DHX57: variants seen among roughly 807,000 people sequenced by gnomAD.
DHX57 encodes the protein putative ATP-dependent RNA helicase DHX57.
A neutral mutation model predicts 156.2 loss-of-function variants in DHX57; 105 were observed. That is an observed-to-expected ratio of 0.67 (90% CI 0.57 to 0.79). The LOEUF is 0.79. Ranked by LOEUF, DHX57 falls within the 30% of genes least tolerant of loss-of-function variation. The pLI, the probability that DHX57 is intolerant of heterozygous loss-of-function variation, is 0.00. For synonymous variants in DHX57, 704 were observed against 595.6 expected, an observed-to-expected ratio of 1.18 and a Z score of -2.65; for missense variants, 1,847 against 1,661.9, an observed-to-expected ratio of 1.11 and a Z score of -1.94.
Position 38,848,354 on chromosome 2 carries a change from A to T in DHX57, c.2079T>A (p.Gly693=), listed in dbSNP as rs1672398775. ...VLKDIVSQRP[G]LQVILMSATL... is the part of the protein sequence containing the mutation. ...TTGCACTCATTAAAATAACTTGAAG[A>T]CCTGGCCTCTGCGATACAATGTCCT... The change falls in exon 10 of 24, where the codon GGT becomes GGA. Residue 693 remains glycine (G), a synonymous_variant. Coordinates refer to ENST00000457308, the MANE Select transcript of DHX57 (RefSeq NM_198963.3). The T allele has an allele frequency of 6.2e-7, 1 of 1,612,214 alleles. No individual in the cohort carries two copies. Among genetic ancestry groups the T allele is most frequent in the South Asian group, 1.1e-5 (1 of 90,546 alleles).
In DHX57 at chr2:38,815,589, G is replaced by C. The variant is rs781772153; in HGVS notation, c.3538C>G (p.Leu1180Val). The C allele has an allele frequency of 2.5e-5, 41 of 1,613,930 alleles. No individual in the cohort carries two copies. The highest frequency in any genetic ancestry group is 3.4e-5 in the Non-Finnish European group (40 of 1,180,034). The change falls in exon 20 of 24, where the codon CTC becomes GTC. Residue 1180 changes from leucine (L) to valine (V), a missense_variant. Transcript: ENST00000457308. ...CTTTTCTCAATTTCCCTTGCTCTGA[G>C]CCCTTCCCTTGCAAACCCTATATCC... Reference protein sequence around the residue: ...LSDIGFAREGLRAREIEKRAQ... With the variant: ...LSDIGFAREGVRAREIEKRAQ...
At position 38,797,980 on chromosome 2, in the gene DHX57, A is replaced by T. The variant is rs940783528; in HGVS notation, c.*319T>A. The T allele has an allele frequency of 8.9e-6, 2 of 223,836 alleles. No individual in the cohort carries two copies. The highest frequency in any genetic ancestry group is 1.9e-5 in the Non-Finnish European group (2 of 104,464). 13.9% of individuals were successfully genotyped at this position (223,836 alleles called of 1,614,324 possible). ...AGGAGAAAAAGAATACACAGATTAA[A>T]ACAGAATTGTATTATACATTCACTT... On this transcript the variant is annotated 3_prime_UTR_variant, in exon 24 of 24. Transcript: ENST00000457308.
chr2:38,834,004 A>T (rs116925488), intron 13 of DHX57, among the ~76,000 whole-genome samples: 2 of 152,164 alleles, frequency 1.3e-5, no homozygotes, highest in African/African-American at 4.8e-5. Context: ...CGCCATTTGC[A>T]TCTAGAGAAA....
At chr2:38,859,334 T>C (rs1043687755) in intron 5 of DHX57, among the ~76,000 whole-genome samples, 1 of 152,048 alleles carries the variant, frequency 6.6e-6, no homozygotes, top group African/African-American at 2.4e-5. Flanking sequence ...GGCAAATCCA[T>C]AGAGATAGAC....
Position 38,855,058 on chromosome 2 carries a change from T to C in DHX57, c.1904A>G (p.Lys635Arg). ...VGYQIRLESV[K>R]SSATRLLYCT... is the part of the protein sequence containing the mutation. ...AGGAAATAAGCAGAGCATACAAACC[T>C]TGACACTTTCTAACCGAATCTGGTA... Residue 635 changes from lysine (K) to arginine (R), a missense_variant and splice_region_variant, in exon 8 of 24, where the codon AAG becomes AGG. By Grantham distance (26) the Lys-to-Arg change is conservative (BLOSUM62 2). Coordinates refer to ENST00000457308, the MANE Select transcript of DHX57 (RefSeq NM_198963.3). The C allele has an allele frequency of 1.9e-6, 3 of 1,614,120 alleles. No homozygotes were observed. The highest frequency in any genetic ancestry group is 1.1e-5 in the South Asian group (1 of 91,080).
intron 21 of DHX57, among the ~76,000 whole-genome samples, chr2:38,812,979 C>T (rs977050153): frequency 6.6e-6 from 1 of 151,924 alleles, no homozygotes; most frequent in African/African-American, 2.4e-5. Context: ...TCCTGAGTAG[C>T]TGGGATTACA....
At chr2:38,871,481 A>G (rs181161513) in intron 1 of DHX57, among the ~76,000 whole-genome samples, 2 of 152,210 alleles carry the variant, frequency 1.3e-5, no homozygotes, top group Non-Finnish European at 2.9e-5. Context: ...TAAAAGTAAT[A>G]CTTCTATGTA....
At chr2:38,851,477 TC>T (rs1331990610) in intron 9 of DHX57, among the ~76,000 whole-genome samples, 3 of 152,222 alleles carry the variant, frequency 2.0e-5, no homozygotes, top group African/African-American at 4.8e-5. Context: ...TAGCAAATAT[TC>T]CCCTACTTTT....
In DHX57 at chr2:38,837,862, C is replaced by T; in HGVS notation, c.2511G>A (p.Trp837Ter). The change falls in exon 13 of 24, where the codon TGG becomes TGA. Residue 837 changes from tryptophan to a stop codon, truncating the protein, a stop_gained. Coordinates refer to ENST00000457308, the MANE Select transcript of DHX57 (RefSeq NM_198963.3). LOFTEE classifies it high-confidence loss of function. Reference protein sequence around the residue: ...NLELIEALLEWIVDGKHSYPP... With the variant: ...NLELIEALLE ...GGTAGGAGTGCTTTCCATCCACAAT[C>T]CACTCTAATAAGGCCTCTATTAATT... 6.2e-7 allele frequency: 1 copy of T among 1,611,696 alleles called. No homozygotes were observed. Among genetic ancestry groups the T allele is most frequent in the Non-Finnish European group, 8.5e-7 (1 of 1,177,990 alleles).
intron 12 of DHX57, among the ~76,000 whole-genome samples, chr2:38,840,287 A>T (rs1216887611): frequency 2.0e-5 from 3 of 152,184 alleles, no homozygotes; most frequent in Admixed American, 6.5e-5. Flanking sequence ...TAATTTTTTC[A>T]AAGAAAAACT....
At chr2:38,822,333 G>A (rs1318291691) in intron 17 of DHX57, among the ~76,000 whole-genome samples, 2 of 151,826 alleles carry the variant, frequency 1.3e-5, no homozygotes, top group African/African-American at 2.4e-5. Flanking sequence ...CACCTGCCTC[G>A]GCCTCCCAAA....
At position 38,833,715 on chromosome 2, in the gene DHX57, C is replaced by T. The variant is rs1398608737; in HGVS notation, c.2542+4116G>A. Among the ~76,000 whole-genome samples the T allele has an allele frequency of 1.1e-4, 17 of 152,006 alleles. 1 individual carries two copies. The highest frequency in any genetic ancestry group is 1.1e-3 in the Admixed American group (17 of 15,248). On this transcript the variant is annotated intron_variant, in intron 13 of 23. Transcript: ENST00000457308. ...AAGTGTTCAGTTGATCCTTGAACAACATAGGTTTGCACTGCATGGGTCTAC... is the reference window on the plus strand; with the variant it reads ...AAGTGTTCAGTTGATCCTTGAACAATATAGGTTTGCACTGCATGGGTCTAC...
At position 38,861,821 on chromosome 2, in the gene DHX57, C is replaced by T; in HGVS notation, c.589G>A (p.Glu197Lys). 1 of 1,608,046 alleles carries T rather than the reference C, an allele frequency of 6.2e-7. No homozygotes were observed. Among genetic ancestry groups the T allele is most frequent in the South Asian group, 1.1e-5 (1 of 90,146 alleles). Reference sequence around the variant, plus strand: ...ATCCTCAGGACCGCTTGACAGCGTTCAGTATTGAAACCATACCTGTCAAGG... The same window carrying T: ...ATCCTCAGGACCGCTTGACAGCGTTTAGTATTGAAACCATACCTGTCAAGG... ...QKLSRYGFNT[E>K]RCQAVLRMCD... Residue 197 changes from glutamate (E) to lysine (K), a missense_variant, in exon 5 of 24, where the codon GAA becomes AAA. Transcript: ENST00000457308.
At chr2:38,800,843 G>T (rs779341431) in intron 23 of DHX57, among the ~76,000 whole-genome samples, 36 of 152,182 alleles carry the variant, frequency 2.4e-4, no homozygotes, top group Non-Finnish European at 4.0e-4. Flanking sequence ...CTAGTCACAA[G>T]TGGCTTATCT....
At chr2:38,842,170 C>T (rs1304288185) in intron 12 of DHX57, among the ~76,000 whole-genome samples, 1 of 152,024 alleles carries the variant, frequency 6.6e-6, no homozygotes, top group African/African-American at 2.4e-5. Flanking sequence ...GATGCTCCAG[C>T]CAAAAATGTA....
intron 9 of DHX57, among the ~76,000 whole-genome samples, chr2:38,849,225 A>G (rs1276746996): frequency 6.6e-6 from 1 of 152,246 alleles, no homozygotes; most frequent in Admixed American, 6.5e-5. Context: ...CATGAAGCAG[A>G]TACAAGGAAT....
intron 23 of DHX57, among the ~76,000 whole-genome samples, chr2:38,800,172 C>T (rs555215714): frequency 5.4e-4 from 68 of 126,002 alleles, no homozygotes; most frequent in African/African-American, 8.0e-4. Flanking sequence ...GCAACAAGAG[C>T]GAAACTCCAT....
intron 17 of DHX57, among the ~76,000 whole-genome samples, chr2:38,822,436 G>A (rs753242391): frequency 3.3e-4 from 48 of 146,792 alleles, no homozygotes; most frequent in Non-Finnish European, 5.8e-4. Context: ...TTGCTCTGTC[G>A]CCAGGCTGGA....
At chr2:38,846,783 G>C (rs982426724) in intron 11 of DHX57, among the ~76,000 whole-genome samples, 1 of 151,672 alleles carries the variant, frequency 6.6e-6, no homozygotes, top group African/African-American at 2.4e-5. Context: ...TAGAAAAAAA[G>C]ACTAACACAT....
Sources: allele counts gnomAD v4.1 joint callset (sites outside exome capture counted in the v4.1 genomes callset), GRCh38; gene constraint gnomAD v4.1.1; transcripts MANE v1.5; gene names NCBI Gene and HGNC (gene_info 2026-07-23, HGNC 2026-07-21).